The following GRM8 variants were observed in gnomAD, a reference collection of about 807,000 sequenced individuals.
GRM8 encodes the protein glutamate metabotropic receptor 8.
In GRM8, 47 loss-of-function variants were observed where a neutral mutation model predicts 87.2. The observed-to-expected ratio is 0.54, with a 90% CI of 0.43 to 0.69. The LOEUF is 0.69. Ranked by LOEUF, GRM8 falls within the 30% of genes least tolerant of loss-of-function variation. The pLI, the probability that GRM8 is intolerant of heterozygous loss-of-function variation, is 0.00. For missense variants in GRM8, 1,019 were observed against 1,139.2 expected, an observed-to-expected ratio of 0.89 and a Z score of 1.52; for synonymous variants, 396 against 404.5, an observed-to-expected ratio of 0.98 and a Z score of 0.25.
intron 2 of GRM8, 80 bp downstream of exon 2, chr7:127,242,615 T>C: frequency 5.1e-6 from 7 of 1,379,768 alleles, no homozygotes; most frequent in Non-Finnish European, 7.0e-6. Context: ...CCATCTTCAC[T>C]TTCTTCTTAA....
At chr7:126,539,885 T>A (rs779103313) in intron 8 of GRM8, among the ~76,000 whole-genome samples, 19 of 151,934 alleles carry the variant, frequency 1.3e-4, no homozygotes, top group Non-Finnish European at 2.4e-4. Flanking sequence ...TGACCTTGTG[T>A]TAGGCAGTGT....
At chr7:126,683,576 C>A (rs1390016181) in intron 7 of GRM8, among the ~76,000 whole-genome samples, 1 of 152,116 alleles carries the variant, frequency 6.6e-6, no homozygotes, top group East Asian at 1.9e-4. Context: ...TTCTCCCCTC[C>A]CTCCATCTCT....
intron 10 of GRM8, among the ~76,000 whole-genome samples, chr7:126,444,718 T>C (rs1801821581): frequency 6.6e-6 from 1 of 152,118 alleles, no homozygotes; most frequent in African/African-American, 2.4e-5. Flanking sequence ...AGACCATAAG[T>C]TGCTATAATA....
At chr7:127,086,128 T>C (rs1273145595) in intron 3 of GRM8, among the ~76,000 whole-genome samples, 1 of 152,116 alleles carries the variant, frequency 6.6e-6, no homozygotes, top group Non-Finnish European at 1.5e-5. Flanking sequence ...TGAGATGGAG[T>C]CTCGCTCTGT....
intron 3 of GRM8, among the ~76,000 whole-genome samples, chr7:127,021,601 T>A (rs893466128): frequency 3.3e-5 from 5 of 152,046 alleles, no homozygotes; most frequent in African/African-American, 4.8e-5. Context: ...CTTGTAACTC[T>A]GTTTAATTAC....
At chr7:127,173,401 G>A (rs1411327168) in intron 2 of GRM8, among the ~76,000 whole-genome samples, 1 of 152,148 alleles carries the variant, frequency 6.6e-6, no homozygotes, top group Non-Finnish European at 1.5e-5. Flanking sequence ...AGGTCATGGG[G>A]AAGGGGCATG....
At chr7:126,747,448 G>T (rs1815827826) in intron 7 of GRM8, among the ~76,000 whole-genome samples, 4 of 151,826 alleles carry the variant, frequency 2.6e-5, no homozygotes, top group Non-Finnish European at 1.5e-5. Context: ...TCCCTGGTTT[G>T]GATAAAGATT....
chr7:126,835,470 A>G (rs1249433480), intron 6 of GRM8, among the ~76,000 whole-genome samples: 2 of 152,236 alleles, frequency 1.3e-5, no homozygotes, highest in Non-Finnish European at 1.5e-5. Flanking sequence ...AAAATCTGTC[A>G]GCCAAGTTCC....
At chr7:126,527,186 C>T (rs1048759471) in intron 9 of GRM8, among the ~76,000 whole-genome samples, 2 of 152,102 alleles carry the variant, frequency 1.3e-5, no homozygotes, top group Non-Finnish European at 2.9e-5. Context: ...TGGTGAAACC[C>T]CATCTCTACT....
intron 7 of GRM8, among the ~76,000 whole-genome samples, chr7:126,642,684 C>T (rs1802536283): frequency 6.6e-6 from 1 of 151,896 alleles, no homozygotes; most frequent in Non-Finnish European, 1.5e-5. Context: ...TGCTGTAATA[C>T]AACATTCAAG....
chr7:127,197,037 G>A (rs1177985389), intron 2 of GRM8, among the ~76,000 whole-genome samples: 1 of 152,060 alleles, frequency 6.6e-6, no homozygotes, highest in Non-Finnish European at 1.5e-5. Context: ...AAGAGTTCTT[G>A]ATACATGGTA....
chr7:127,182,632 GGT>G (rs35530710), intron 2 of GRM8, among the ~76,000 whole-genome samples: 16,287 of 141,388 alleles, frequency 0.12, 1,036 homozygotes, highest in Non-Finnish European at 0.14. Context: ...AAGAAAGTGT[GGT>G]GTGTGTGTGT....
chr7:126,444,989 AACAAAC>A (rs1421472729), intron 10 of GRM8, among the ~76,000 whole-genome samples: 1 of 145,368 alleles, frequency 6.9e-6, no homozygotes, highest in African/African-American at 2.5e-5. Context: ...CTACAAAACA[AACAAAC>A]AAACAAACAA....
At chr7:126,547,185 T>C (rs558091570) in intron 8 of GRM8, among the ~76,000 whole-genome samples, 1 of 152,190 alleles carries the variant, frequency 6.6e-6, no homozygotes, top group Non-Finnish European at 1.5e-5. Context: ...GAGTTTTAAA[T>C]CAGCGTTATA....
At chr7:127,179,954 C>T (rs1341970944) in intron 2 of GRM8, among the ~76,000 whole-genome samples, 9 of 151,798 alleles carry the variant, frequency 5.9e-5, no homozygotes, top group East Asian at 1.9e-4. Context: ...GAGAAACAAG[C>T]GCAAACCAAA....
At chr7:126,696,670 A>G (rs1237569830) in intron 7 of GRM8, among the ~76,000 whole-genome samples, 1 of 152,194 alleles carries the variant, frequency 6.6e-6, no homozygotes, top group Non-Finnish European at 1.5e-5. Flanking sequence ...TGCTGAGGCT[A>G]AAAGGAACTG....
At chr7:126,535,286 G>A (rs771026922) in intron 8 of GRM8, among the ~76,000 whole-genome samples, 1 of 152,080 alleles carries the variant, frequency 6.6e-6, no homozygotes, top group Non-Finnish European at 1.5e-5. Flanking sequence ...GGTCATAAAA[G>A]GCATTTTGGT....
At chr7:126,861,897 G>T (rs1431619461) in intron 6 of GRM8, among the ~76,000 whole-genome samples, 1 of 151,450 alleles carries the variant, frequency 6.6e-6, no homozygotes, top group Non-Finnish European at 1.5e-5. Context: ...TTTTTATTTT[G>T]ATATACTACA....
intron 7 of GRM8, among the ~76,000 whole-genome samples, chr7:126,743,089 A>T (rs1815203994): frequency 6.6e-6 from 1 of 152,120 alleles, no homozygotes; most frequent in African/African-American, 2.4e-5. Context: ...TACCTCCCCT[A>T]ATGGCTTTAA....
Sources: allele counts gnomAD v4.1 joint callset (sites outside exome capture counted in the v4.1 genomes callset), GRCh38; gene constraint gnomAD v4.1.1; transcripts MANE v1.5; gene names NCBI Gene and HGNC (gene_info 2026-07-23, HGNC 2026-07-21).